Variants in ANGPT1 observed in about 807,000 individuals in gnomAD.
The protein encoded by ANGPT1 is angiopoietin 1.
In ANGPT1, 17 loss-of-function variants were observed where a neutral mutation model predicts 62.2. The observed-to-expected ratio is 0.27, with a 90% CI of 0.19 to 0.41. ANGPT1 has a LOEUF of 0.41. ANGPT1 is among the 10% of genes least tolerant of loss of function. The probability of loss-of-function intolerance (pLI) is 1.00; values close to 1 mark genes in which losing one functional copy is unlikely to be tolerated. For synonymous variants in ANGPT1, 199 were observed against 198.9 expected, an observed-to-expected ratio of 1.00 and a Z score of 0.00; for missense variants, 478 against 594.9, an observed-to-expected ratio of 0.80 and a Z score of 2.04.
chr8:107,313,182 G>T (rs1049609845), intron 4 of ANGPT1, among the ~76,000 whole-genome samples: 5 of 152,010 alleles, frequency 3.3e-5, no homozygotes, highest in Admixed American at 6.6e-5. Flanking sequence ...CAAGTTAAAA[G>T]AGGTCTGACA....
In ANGPT1 at chr8:107,497,248, A is replaced by G; in HGVS notation, c.297+14T>C. Reference sequence around the variant, plus strand: ...AAAGGTCCGTGCTATTAGAAACTGAAAGCAATCACTTACTTTTTGCAGCCA... The same window carrying G: ...AAAGGTCCGTGCTATTAGAAACTGAGAGCAATCACTTACTTTTTGCAGCCA... On this transcript the variant is annotated intron_variant, in intron 1 of 8. Coordinates refer to ENST00000517746, the MANE Select transcript of ANGPT1 (RefSeq NM_001146.5). The G allele has an allele frequency of 1.2e-6, 2 of 1,611,672 alleles. No individual in the cohort carries two copies. Among genetic ancestry groups the G allele is most frequent in the Non-Finnish European group, 1.7e-6 (2 of 1,178,404 alleles).
chr8:107,310,566 A>T (rs1322199038), intron 4 of ANGPT1, among the ~76,000 whole-genome samples: 1 of 152,218 alleles, frequency 6.6e-6, no homozygotes, highest in Admixed American at 6.5e-5. Context: ...ATGGGAAAAG[A>T]GAGAGGAGGC....
intron 1 of ANGPT1, among the ~76,000 whole-genome samples, chr8:107,448,133 T>C (rs565574909): frequency 6.6e-6 from 1 of 152,344 alleles, no homozygotes; most frequent in African/African-American, 2.4e-5. Context: ...TGTGGTATGG[T>C]ATGTTCTCCA....
chr8:107,330,166 A>G (rs1815387052), intron 3 of ANGPT1, among the ~76,000 whole-genome samples: 1 of 152,170 alleles, frequency 6.6e-6, no homozygotes, highest in Admixed American at 6.5e-5. Context: ...AACATGATTA[A>G]ACACTGCTGC....
intron 1 of ANGPT1, among the ~76,000 whole-genome samples, chr8:107,354,378 A>G (rs544578369): frequency 1.3e-5 from 2 of 152,284 alleles, no homozygotes; most frequent in African/African-American, 4.8e-5. Flanking sequence ...AGGTACTATC[A>G]TTGATATACT....
chr8:107,497,193 C>T (rs2130553204), intron 1 of ANGPT1, 69 bp downstream of exon 1: 1 of 1,530,478 alleles, frequency 6.5e-7, no homozygotes, highest in Non-Finnish European at 8.9e-7. Context: ...CCCTAAGGAA[C>T]TTTAAGTTAG....
intron 1 of ANGPT1, among the ~76,000 whole-genome samples, chr8:107,415,527 A>G (rs1220406570): frequency 6.6e-6 from 1 of 152,168 alleles, no homozygotes; most frequent in Non-Finnish European, 1.5e-5. Flanking sequence ...TACTTTACCC[A>G]TTAAAACCTC....
At chr8:107,415,528 T>C (rs1324564393) in intron 1 of ANGPT1, among the ~76,000 whole-genome samples, 3 of 152,168 alleles carry the variant, frequency 2.0e-5, no homozygotes, top group African/African-American at 7.2e-5. Flanking sequence ...ACTTTACCCA[T>C]TAAAACCTCA....
At chr8:107,485,318 C>G (rs1353298666) in intron 1 of ANGPT1, among the ~76,000 whole-genome samples, 4 of 152,302 alleles carry the variant, frequency 2.6e-5, no homozygotes, top group Admixed American at 2.6e-4. Flanking sequence ...GTTTACCTCG[C>G]CATGCAAAGG....
intron 7 of ANGPT1, 171 bp downstream of exon 7, chr8:107,284,511 T>C: frequency 2.0e-6 from 1 of 500,736 alleles, no homozygotes; most frequent in Non-Finnish European, 3.1e-6. Flanking sequence ...TTTAAATCTT[T>C]GAAAAAGTCT....
intron 1 of ANGPT1, among the ~76,000 whole-genome samples, chr8:107,433,790 A>C (rs1811264731): frequency 6.6e-6 from 1 of 152,190 alleles, no homozygotes; most frequent in Non-Finnish European, 1.5e-5. Flanking sequence ...ACACAAAGAG[A>C]GGGTAGATGA....
At chr8:107,410,568 G>A (rs1817247906) in intron 1 of ANGPT1, among the ~76,000 whole-genome samples, 1 of 152,010 alleles carries the variant, frequency 6.6e-6, no homozygotes, top group Non-Finnish European at 1.5e-5. Flanking sequence ...TGAAAAGCTA[G>A]GTTATTTCTG....
intron 1 of ANGPT1, among the ~76,000 whole-genome samples, chr8:107,427,056 GA>G (rs1563617642): frequency 1.3e-5 from 2 of 152,110 alleles, no homozygotes; most frequent in African/African-American, 4.8e-5. Context: ...TTCTAACATA[GA>G]AAAAGAATAT....
chr8:107,347,052 T>A lies in ANGPT1; in HGVS notation c.343A>T (p.Ile115Leu). The change falls in exon 2 of 9, where the codon ATA becomes TTA. Residue 115 changes from isoleucine (I) to leucine (L), a missense_variant. This residue lies in a region of ANGPT1 where 343 missense variants were observed against 355.4 expected (regional missense o/e 0.97). Transcript: ENST00000517746. ...VENMKSEMAQ[I>L]QQNAVQNHTA... ...TGGTTCTGAACTGCATTCTGCTGTA[T>A]CTGGGCCATCTCCGACTTCATGTTT... is the stretch of plus-strand genomic sequence containing the variant. 1.9e-6 allele frequency: 3 copies of A among 1,613,884 alleles called. No individual in the cohort carries two copies. The highest frequency in any genetic ancestry group is 2.5e-6 in the Non-Finnish European group (3 of 1,179,844).
chr8:107,305,012 G>C (rs1347791425), intron 4 of ANGPT1, among the ~76,000 whole-genome samples: 1 of 151,986 alleles, frequency 6.6e-6, no homozygotes, highest in Non-Finnish European at 1.5e-5. Flanking sequence ...TAATGACACT[G>C]AGGATGTCAA....
At chr8:107,388,586 G>A (rs529734761) in intron 1 of ANGPT1, among the ~76,000 whole-genome samples, 142 of 151,920 alleles carry the variant, frequency 9.3e-4, no homozygotes, top group Admixed American at 1.5e-3. Context: ...ACCCCAAACC[G>A]CCTGATTATA....
chr8:107,480,473 A>G lies in ANGPT1; in HGVS notation c.297+16789T>C, dbSNP rs533155477. ...AAATTTTATGGGGACAATGCTCCAA[A>G]GTAATCAGCAGTTTACAAATGGATA... On this transcript the variant is annotated intron_variant, in intron 1 of 8. Transcript: ENST00000517746. 2.6e-5 allele frequency among the ~76,000 whole-genome samples: 4 copies of G among 152,342 alleles called. No individual in the cohort carries two copies. The South Asian group carries it at 8.3e-4, about 32-fold the overall frequency.
At chr8:107,477,221 A>G (rs1228278649) in intron 1 of ANGPT1, among the ~76,000 whole-genome samples, 1 of 152,146 alleles carries the variant, frequency 6.6e-6, no homozygotes, top group Non-Finnish European at 1.5e-5. Flanking sequence ...TCATATGTCC[A>G]TTCACCTCTC....
Position 107,322,146 on chromosome 8 carries a change from T to C in ANGPT1, c.576-18A>G, listed in dbSNP as rs1815168318. Reference sequence around the variant, plus strand: ...CTAATAAACTACAAGGAAGTGAAAATAAAACTTAGATTTGAAAAAATGTTA... The same window carrying C: ...CTAATAAACTACAAGGAAGTGAAAACAAAACTTAGATTTGAAAAAATGTTA... On this transcript the variant is annotated intron_variant, in intron 3 of 8. Coordinates refer to ENST00000517746, the MANE Select transcript of ANGPT1 (RefSeq NM_001146.5). 4 of 1,563,292 alleles carry C rather than the reference T, an allele frequency of 2.6e-6. No individual in the cohort carries two copies. The highest frequency in any genetic ancestry group is 2.6e-6 in the Non-Finnish European group (3 of 1,147,662).
Sources: gnomAD v4.1 joint callset for allele counts (sites outside exome capture counted in the v4.1 genomes callset) on GRCh38, gnomAD v4.1.1 for gene constraint, gnomAD v4.1.1 regional missense constraint, MANE v1.5 for transcripts, NCBI Gene and HGNC (gene_info 2026-07-23, HGNC 2026-07-21) for gene names.